Variants in RCC1 observed in about 807,000 individuals in gnomAD.
RCC1 encodes regulator of chromosome condensation.
In RCC1, 11 loss-of-function variants were observed where a neutral mutation model predicts 44.4. The ratio of observed to expected loss-of-function variants is 0.25; its 90% CI spans 0.16 to 0.41. The LOEUF is 0.41. Ranked by LOEUF, RCC1 falls within the 10% of genes least tolerant of loss-of-function variation. RCC1 has a pLI of 1.00. For synonymous variants in RCC1, 213 were observed against 216.5 expected (o/e 0.98, Z 0.14); for missense variants, 386 against 547.1 (o/e 0.71, Z 2.94).
At chr1:28,514,415 A>G (rs940525223) in intron 3 of RCC1, among the ~76,000 whole-genome samples, 15 of 149,260 alleles carry the variant, frequency 1.0e-4, no homozygotes, top group Admixed American at 2.0e-4. Context: ...GCGCCACTGC[A>G]CTCCAGCCTG....
At chr1:28,514,252 C>T (rs1662737004) in intron 3 of RCC1, among the ~76,000 whole-genome samples, 1 of 151,570 alleles carries the variant, frequency 6.6e-6, no homozygotes, top group South Asian at 2.1e-4. Context: ...AGATCAAGAC[C>T]GTCTTGGCTA....
chr1:28,530,721 G>T, intron 5 of RCC1: 4 of 904,160 alleles, frequency 4.4e-6, no homozygotes, highest in Non-Finnish European at 6.4e-6. Context: ...CGGGGCTGCG[G>T]GTTGGGGGGC....
intron 1 of RCC1, chr1:28,506,523 G>C (rs559176556): frequency 4.0e-6 from 1 of 251,800 alleles, no homozygotes; most frequent in East Asian, 1.3e-4. Context: ...GGGTGTCTTA[G>C]GCGGCATCGG....
At chr1:28,513,450 C>T (rs1662683141) in intron 3 of RCC1, among the ~76,000 whole-genome samples, 1 of 152,202 alleles carries the variant, frequency 6.6e-6, no homozygotes. Context: ...CTGCCCTGAC[C>T]TCCCAAAGTG....
intron 4 of RCC1, among the ~76,000 whole-genome samples, chr1:28,525,206 C>G (rs1165884580): frequency 6.6e-6 from 1 of 152,136 alleles, no homozygotes; most frequent in South Asian, 2.1e-4. Context: ...CTTTTCCATA[C>G]GATGTCTGGA....
At chr1:28,535,761 C>T in intron 9 of RCC1, 110 bp from the exon 10 acceptor site, 3 of 1,165,864 alleles carry the variant, frequency 2.6e-6, no homozygotes, top group Non-Finnish European at 3.8e-6. Context: ...GGATAAGAGT[C>T]CCTACTTAGC....
At chr1:28,535,686 G>A in intron 9 of RCC1, 185 bp from the exon 10 acceptor site, 1 of 781,276 alleles carries the variant, frequency 1.3e-6, no homozygotes. Context: ...TACCCGTAAT[G>A]ACTGTGGGAA....
At chr1:28,511,693 ACTCTGT>A (rs919818131) in intron 3 of RCC1, among the ~76,000 whole-genome samples, 1 of 146,306 alleles carries the variant, frequency 6.8e-6, no homozygotes, top group African/African-American at 2.6e-5. Context: ...ATCTAATCTC[ACTCTGT>A]CTCCAGGAGG....
At chr1:28,532,011 C>T in intron 6 of RCC1, 21 bp downstream of exon 6, 1 of 1,559,938 alleles carries the variant, frequency 6.4e-7, no homozygotes. Flanking sequence ...GGGACTGGCA[C>T]AGGGTTGGAC....
chr1:28,524,231 G>A (rs1663495414), intron 4 of RCC1, among the ~76,000 whole-genome samples: 1 of 152,226 alleles, frequency 6.6e-6, no homozygotes, highest in African/African-American at 2.4e-5. Flanking sequence ...GCAACATGGA[G>A]CTTCACGTCT....
Position 28,536,131 on chromosome 1 carries a change from C to A in RCC1, c.817+105C>A. 1 of 1,538,792 alleles carries A rather than the reference C, an allele frequency of 6.5e-7. No individual in the cohort carries two copies. Among genetic ancestry groups the A allele is most frequent in the Non-Finnish European group, 8.8e-7 (1 of 1,139,408 alleles). The stretch of plus-strand genomic sequence containing the variant: ...CCTTTGCGGGGTCGTCTAACCCCTC[C>A]AAGCCAGTTTTGTCATCTGTAAAGT... On this transcript the variant is annotated intron_variant, in intron 10 of 12. Transcript: ENST00000683442. The surrounding 1 kb of genome is among the most constrained non-coding windows in gnomAD (Gnocchi z 4.9).
chr1:28,529,383 C>T (rs987380304), intron 4 of RCC1, among the ~76,000 whole-genome samples: 1 of 151,874 alleles, frequency 6.6e-6, no homozygotes, highest in African/African-American at 2.4e-5. Flanking sequence ...GGGGTTTTGC[C>T]ATGTTGGCCA....
At chr1:28,507,844 A>T (rs1315676282) in intron 1 of RCC1, 1 of 303,854 alleles carries the variant, frequency 3.3e-6, no homozygotes, top group African/African-American at 2.2e-5. Flanking sequence ...TGACCTTGTG[A>T]TCCGCCAGCC....
intron 4 of RCC1, chr1:28,518,143 G>A (rs796251832): frequency 3.9e-5 from 6 of 152,262 alleles, no homozygotes; most frequent in African/African-American, 1.2e-4. Context: ...CCCCCAGCCC[G>A]GGAGCGCGCC....
chr1:28,537,878 A>G lies in RCC1; in HGVS notation c.1137A>G (p.Thr379=), dbSNP rs751315045. The G allele has an allele frequency of 1.9e-5, 31 of 1,613,488 alleles. No individual in the cohort carries two copies. Among genetic ancestry groups the G allele is most frequent in the Non-Finnish European group, 2.5e-6 (3 of 1,179,840 alleles). ...WGMGTNYQLG[T]GQDEDAWSPV... is the part of the protein sequence containing the mutation. ...TGGGCACCAACTACCAGCTGGGCACAGGGCAGGATGAGGACGCCTGGAGCC... is the reference window on the plus strand; with the variant it reads ...TGGGCACCAACTACCAGCTGGGCACGGGGCAGGATGAGGACGCCTGGAGCC... Residue 379 remains threonine, a synonymous_variant, in exon 13 of 13, where the codon ACA becomes ACG. Coordinates refer to ENST00000683442, the MANE Select transcript of RCC1 (RefSeq NM_001381865.2).
At chr1:28,511,083 A>G (rs1467863737) in intron 3 of RCC1, among the ~76,000 whole-genome samples, 3 of 152,122 alleles carry the variant, frequency 2.0e-5, no homozygotes, top group Non-Finnish European at 4.4e-5. Flanking sequence ...CCAAACAGGC[A>G]CTTCTGGCCT....
intron 3 of RCC1, among the ~76,000 whole-genome samples, chr1:28,514,225 C>T (rs1377546833): frequency 2.6e-5 from 4 of 151,370 alleles, no homozygotes; most frequent in South Asian, 2.1e-4. Flanking sequence ...CCGAGGCGGG[C>T]GGATCACGAG....
Position 28,508,491 on chromosome 1 carries a change from T to C in RCC1, c.-229+331T>C, listed in dbSNP as rs571899293. On this transcript the variant is annotated intron_variant, in intron 2 of 12. Coordinates refer to ENST00000683442, the MANE Select transcript of RCC1 (RefSeq NM_001381865.2). Reference sequence around the variant, plus strand: ...CTGAGCTGAGAAAGATACTAGCCCTTGAAAATACTGTGGGTGATTAGCAAT... The same window carrying C: ...CTGAGCTGAGAAAGATACTAGCCCTCGAAAATACTGTGGGTGATTAGCAAT... The C allele has an allele frequency of 5.4e-5, 25 of 464,150 alleles. No homozygotes were observed. In the East Asian group the frequency reaches 1.6e-3, roughly 29 times the overall value. The allele number at this position is 464,150 out of a possible 1,614,324, so 28.8% of individuals were successfully genotyped here.
At chr1:28,526,393 C>A in intron 4 of RCC1, 1 of 434,278 alleles carries the variant, frequency 2.3e-6, no homozygotes, top group Non-Finnish European at 4.5e-6. Flanking sequence ...AACAGCACAC[C>A]GAAGTCTCGA....
Sources: gnomAD v4.1 joint callset for allele counts (sites outside exome capture counted in the v4.1 genomes callset) on GRCh38, gnomAD v4.1.1 for gene constraint, Gnocchi (gnomAD v3.1) non-coding constraint, MANE v1.5 for transcripts, NCBI Gene and HGNC (gene_info 2026-07-23, HGNC 2026-07-21) for gene names.